Variants in HIVEP3 observed in about 807,000 individuals in gnomAD.
HIVEP3 encodes the protein HIVEP zinc finger 3.
In HIVEP3, 49 loss-of-function variants were observed where a neutral mutation model predicts 152.8. The observed-to-expected ratio is 0.32, with a 90% CI of 0.26 to 0.41. The LOEUF (loss-of-function observed/expected upper bound fraction) is 0.41. HIVEP3 is among the 10% of genes least tolerant of loss of function. The probability of loss-of-function intolerance (pLI) is 1.00; values close to 1 mark genes in which losing one functional copy is unlikely to be tolerated. For missense variants in HIVEP3, 2,790 were observed against 3,103.3 expected (o/e 0.90, Z 2.40); for synonymous variants, 1,269 against 1,289.0 (o/e 0.98, Z 0.33).
intron 1 of HIVEP3, among the ~76,000 whole-genome samples, chr1:41,939,087 A>AGAT (rs1470961219): frequency 6.6e-6 from 1 of 152,196 alleles, no homozygotes; most frequent in African/African-American, 2.4e-5. Context: ...TAGGATTGAT[A>AGAT]GATGATAGCC....
chr1:41,878,495 A>AT (rs1217495923), intron 1 of HIVEP3, among the ~76,000 whole-genome samples: 2 of 152,208 alleles, frequency 1.3e-5, no homozygotes, highest in Non-Finnish European at 2.9e-5. Flanking sequence ...ATATTTGGTC[A>AT]TTTTGTCTTA....
intron 1 of HIVEP3, among the ~76,000 whole-genome samples, chr1:41,735,358 G>A (rs1408033580): frequency 6.6e-6 from 1 of 152,210 alleles, no homozygotes; most frequent in East Asian, 1.9e-4. Context: ...TGACGATGAA[G>A]GTGACAGGGA....
intron 2 of HIVEP3, among the ~76,000 whole-genome samples, chr1:41,649,964 T>C (rs1287172361): frequency 6.6e-6 from 1 of 150,962 alleles, no homozygotes; most frequent in African/African-American, 2.4e-5. Flanking sequence ...GGGAAGGGAG[T>C]CAGGAAAGCC....
chr1:41,581,712 A>C lies in HIVEP3; in HGVS notation c.3086T>G (p.Val1029Gly). ...CGGGGCCACCCGCGCTGGTGGAGCC[A>C]CTGGGGCTGGAGCAGAAGGGCCTGT... ...SLTGPSAPAPVAPPARVAPPE... is the reference protein window; with the variant it reads ...SLTGPSAPAPGAPPARVAPPE... The change falls in exon 4 of 9, where the codon GTG becomes GGG. Residue 1029 changes from valine (V) to glycine (G), a missense_variant. Around this residue, in one of 9 missense-constraint regions of HIVEP3, gnomAD observed 1,078 missense variants for 1,165.3 expected, o/e 0.93. Transcript: ENST00000372583. The surrounding 1 kb of genome is among the most constrained non-coding windows in gnomAD (Gnocchi z 4.5). 6.2e-7 allele frequency: 1 copy of C among 1,612,840 alleles called. No individual in the cohort carries two copies. Among genetic ancestry groups the C allele is most frequent in the Non-Finnish European group, 8.5e-7 (1 of 1,179,500 alleles).
intron 1 of HIVEP3, among the ~76,000 whole-genome samples, chr1:41,792,773 T>C (rs746698424): frequency 2.6e-5 from 4 of 152,214 alleles, no homozygotes; most frequent in Non-Finnish European, 4.4e-5. Flanking sequence ...TCCACCTTCA[T>C]TGCATACACT....
chr1:41,531,513 T>C (rs1333250884), intron 5 of HIVEP3, among the ~76,000 whole-genome samples: 4 of 58,372 alleles, frequency 6.9e-5, no homozygotes, highest in African/African-American at 2.1e-4. Context: ...ACAGGGGCGA[T>C]AGAGGACAGG....
chr1:41,839,941 G>A (rs1643238036), intron 1 of HIVEP3, among the ~76,000 whole-genome samples: 1 of 152,154 alleles, frequency 6.6e-6, no homozygotes, highest in African/African-American at 2.4e-5. Flanking sequence ...AGTCCTGTGT[G>A]ACTATTTAAA....
chr1:41,704,384 G>C (rs1222337187), intron 1 of HIVEP3, among the ~76,000 whole-genome samples: 6 of 152,258 alleles, frequency 3.9e-5, no homozygotes, highest in Non-Finnish European at 8.8e-5. Context: ...AGGCGAGACA[G>C]CTGCTTAGGA....
chr1:41,654,937 C>T (rs1050363281), intron 2 of HIVEP3, among the ~76,000 whole-genome samples: 3 of 152,156 alleles, frequency 2.0e-5, no homozygotes, highest in Non-Finnish European at 4.4e-5. Flanking sequence ...TCCTCAACTG[C>T]GGTCTGGAGA....
chr1:41,587,793 C>T (rs1644527059), intron 3 of HIVEP3, among the ~76,000 whole-genome samples: 1 of 152,060 alleles, frequency 6.6e-6, no homozygotes. Flanking sequence ...GCCTCTTGAC[C>T]CCCCAGCCAG....
At chr1:42,024,940 G>A (rs560309799) in intron 1 of HIVEP3, among the ~76,000 whole-genome samples, 5 of 152,312 alleles carry the variant, frequency 3.3e-5, no homozygotes, top group Admixed American at 3.3e-4. Flanking sequence ...TTCCATTGAT[G>A]TTGAGAAGTA....
In HIVEP3 at chr1:41,575,225, T is replaced by C. The variant is rs773775596; in HGVS notation, c.5207+319A>G. On this transcript the variant is annotated intron_variant, in intron 5 of 8. Coordinates refer to ENST00000372583, the MANE Select transcript of HIVEP3 (RefSeq NM_024503.5). ...GAAGTCTGGACATTTGCTGGGATAC[T>C]GGGATGGCAACTCCAATGCAGGAAC... Among the ~76,000 whole-genome samples, 47 of 152,200 alleles carry C rather than the reference T, an allele frequency of 3.1e-4. 2 individuals are homozygous for C. Among genetic ancestry groups the C allele is most frequent in the Non-Finnish European group, 7.4e-5 (5 of 68,026 alleles).
chr1:41,647,604 C>T (rs1044673456), intron 2 of HIVEP3, among the ~76,000 whole-genome samples: 4 of 152,304 alleles, frequency 2.6e-5, no homozygotes, highest in Admixed American at 6.5e-5. Flanking sequence ...TTCCAGGGCA[C>T]GCTGAGGCCT....
At chr1:41,844,513 C>G (rs999546148) in intron 1 of HIVEP3, among the ~76,000 whole-genome samples, 1 of 152,194 alleles carries the variant, frequency 6.6e-6, no homozygotes, top group Non-Finnish European at 1.5e-5. Context: ...CTTAACTGCT[C>G]GCAGGGTCAC....
At chr1:41,942,488 G>A (rs7523668) in intron 1 of HIVEP3, among the ~76,000 whole-genome samples, 80,150 of 152,058 alleles carry the variant, frequency 0.53, 21,341 homozygotes, top group East Asian at 0.71. Context: ...ACTGTGAAGA[G>A]TCAGAGACTT....
At chr1:41,688,744 C>T (rs1646149409) in intron 2 of HIVEP3, among the ~76,000 whole-genome samples, 1 of 152,238 alleles carries the variant, frequency 6.6e-6, no homozygotes, top group Non-Finnish European at 1.5e-5. Flanking sequence ...GCTCCGCCAC[C>T]TCTCCTCTGA....
chr1:41,923,050 T>C (rs1644949654), upstream of HIVEP3, among the ~76,000 whole-genome samples: 1 of 152,126 alleles, frequency 6.6e-6, no homozygotes, highest in Non-Finnish European at 1.5e-5. Flanking sequence ...AATTCATCAG[T>C]TAGAAATATA....
At chr1:41,757,481 T>C (rs1027079526) in intron 1 of HIVEP3, among the ~76,000 whole-genome samples, 17 of 151,860 alleles carry the variant, frequency 1.1e-4, no homozygotes, top group Admixed American at 5.9e-4. Context: ...GGAGGATCAC[T>C]TGAGCCAAGG....
intron 6 of HIVEP3, 84 bp from the exon 7 acceptor site, chr1:41,518,572 C>T (rs952622452): frequency 2.2e-5 from 29 of 1,300,200 alleles, no homozygotes; most frequent in Admixed American, 5.1e-5. Context: ...AGCACCTGGC[C>T]GGCAGGCCAT....
Sources: allele counts gnomAD v4.1 joint callset (sites outside exome capture counted in the v4.1 genomes callset), GRCh38; gene constraint gnomAD v4.1.1; regional missense constraint gnomAD v4.1.1; non-coding constraint Gnocchi (gnomAD v3.1); transcripts MANE v1.5; gene names NCBI Gene and HGNC (gene_info 2026-07-23, HGNC 2026-07-21).